Variants in TBC1D24 observed in about 807,000 individuals in gnomAD.
TBC1D24 encodes Infantile myoclonic epilepsy.
Under a neutral mutation model 50.7 loss-of-function variants are expected in TBC1D24, and 47 were observed. The ratio of observed to expected loss-of-function variants is 0.93; its 90% CI spans 0.73 to 1.18. TBC1D24 has a LOEUF of 1.18. Ranked by LOEUF, TBC1D24 falls within the 50% of genes most tolerant of loss-of-function variation. The pLI is 0.00. For synonymous variants in TBC1D24, 324 were observed against 335.2 expected (o/e 0.97, Z 0.36); for missense variants, 688 against 766.5 (o/e 0.90, Z 1.21).
chr16:2,492,312 G>A (rs759492260), intron 1 of TBC1D24, among the ~76,000 whole-genome samples: 1 of 152,082 alleles, frequency 6.6e-6, no homozygotes, highest in Non-Finnish European at 1.5e-5. Flanking sequence ...CCAGCACGTC[G>A]CCGGACCATT....
In TBC1D24 at chr16:2,496,002, C is replaced by T. The variant is rs1212684578; in HGVS notation, c.-115-32C>T. ...TCTTTAAAATGTGAACCTTGAAACA[C>T]AGATGCTAAAAGTGTTTTTTTAATC... is the stretch of plus-strand genomic sequence containing the variant. On this transcript the variant is annotated intron_variant, in intron 1 of 7. Transcript: ENST00000646147. The T allele has an allele frequency of 4.0e-6, 4 of 996,470 alleles. No individual in the cohort carries two copies. In the African/African-American group the frequency reaches 4.9e-5, roughly 12 times the overall value. 61.7% of individuals were successfully genotyped at this position (996,470 alleles called of 1,614,324 possible). A position where few individuals can be genotyped will look rare whatever the true frequency, so the allele number is the denominator to read the frequency against.
rs752958922 is a variant in TBC1D24, at chr16:2,499,818, C to T, written c.1207-17C>T. The T allele has an allele frequency of 6.2e-7, 1 of 1,611,200 alleles. No homozygotes were observed. The highest frequency in any genetic ancestry group is 1.7e-5 in the Admixed American group (1 of 60,022). On this transcript the variant is annotated splice_polypyrimidine_tract_variant and intron_variant, in intron 5 of 7. Transcript: ENST00000646147. The surrounding 1 kb of genome is among the most constrained non-coding windows in gnomAD (Gnocchi z 4.0). ...TGGGGGCCTGCGGGCACAGCCTCACCCAGACCTTTCCCCCAGGTGTGTGGT... is the reference window on the plus strand; with the variant it reads ...TGGGGGCCTGCGGGCACAGCCTCACTCAGACCTTTCCCCCAGGTGTGTGGT...
rs1854309899 is a variant in TBC1D24, at chr16:2,499,562, C to T, written c.1206+142C>T. Reference sequence around the variant, plus strand: ...AGTCAGAGCGTGGGTATGGCCAGCACATGGGGCTCATCCCACACTCAGGGC... The same window carrying T: ...AGTCAGAGCGTGGGTATGGCCAGCATATGGGGCTCATCCCACACTCAGGGC... On this transcript the variant is annotated intron_variant, in intron 5 of 7. Transcript: ENST00000646147. The surrounding 1 kb of genome is among the most constrained non-coding windows in gnomAD (Gnocchi z 4.0). 1 of 794,672 alleles carries T rather than the reference C, an allele frequency of 1.3e-6. No individual in the cohort carries two copies. 49.2% of individuals were successfully genotyped at this position (794,672 alleles called of 1,614,324 possible). A position where few individuals can be genotyped will look rare whatever the true frequency, so the allele number is the denominator to read the frequency against.
intron 1 of TBC1D24, chr16:2,484,594 G>C (rs547844268): frequency 6.6e-6 from 1 of 152,424 alleles, no homozygotes; most frequent in South Asian, 2.1e-4. Context: ...TCCTAGCTCA[G>C]TGCCAGGCAC....
In TBC1D24 at chr16:2,500,550, C is replaced by A; in HGVS notation, c.1525+60C>A. On this transcript the variant is annotated intron_variant, in intron 7 of 7. Coordinates refer to ENST00000646147, the MANE Select transcript of TBC1D24 (RefSeq NM_001199107.2). This position sits in a 1 kb window ranked among gnomAD's most constrained non-coding sequence, Gnocchi z 8.0. ...TGTGGGGTCCGGGCAGCTGAAGCTG[C>A]TGCACCCAGCCCTCCCTGACCGGGG... is the stretch of plus-strand genomic sequence containing the variant. 6.7e-7 allele frequency: 1 copy of A among 1,497,150 alleles called. No homozygotes were observed. The highest frequency in any genetic ancestry group is 9.0e-7 in the Non-Finnish European group (1 of 1,112,656). The allele number at this position is 1,497,150 out of a possible 1,614,324, so 92.7% of individuals were successfully genotyped here. A position where few individuals can be genotyped will look rare whatever the true frequency, so the allele number is the denominator to read the frequency against.
chr16:2,493,125 G>T (rs2065709649), intron 1 of TBC1D24, among the ~76,000 whole-genome samples: 3 of 151,546 alleles, frequency 2.0e-5, no homozygotes, highest in Admixed American at 2.0e-4. Context: ...TGGCTAAAAT[G>T]GTAAATTTTT....
chr16:2,490,654 C>T (rs1477015125), intron 1 of TBC1D24, among the ~76,000 whole-genome samples: 1 of 152,214 alleles, frequency 6.6e-6, no homozygotes, highest in Non-Finnish European at 1.5e-5. Flanking sequence ...GGAACTGTTG[C>T]CCGTGAGGAG....
At chr16:2,491,716 A>G (rs553735425) in intron 1 of TBC1D24, among the ~76,000 whole-genome samples, 1 of 152,080 alleles carries the variant, frequency 6.6e-6, no homozygotes, top group African/African-American at 2.4e-5. Context: ...CACCACACCC[A>G]GCTAATTTTT....
chr16:2,499,026 A>C lies in TBC1D24; in HGVS notation c.1143-331A>C, dbSNP rs1192389229. Among the ~76,000 whole-genome samples the C allele has an allele frequency of 6.6e-6, 1 of 152,232 alleles. No individual in the cohort carries two copies. Among genetic ancestry groups the C allele is most frequent in the Non-Finnish European group, 1.5e-5 (1 of 68,040 alleles). ...GCAGACCAGGGCCTCTTTGGCTCCC[A>C]CATGCCTGGGCTGCGAGGATGGCCC... On this transcript the variant is annotated intron_variant, in intron 4 of 7. Transcript: ENST00000646147. The surrounding 1 kb of genome is among the most constrained non-coding windows in gnomAD (Gnocchi z 4.0).
chr16:2,490,992 C>G (rs62040716), intron 1 of TBC1D24, among the ~76,000 whole-genome samples: 1 of 152,300 alleles, frequency 6.6e-6, no homozygotes, highest in African/African-American at 2.4e-5. Flanking sequence ...GCCACTCGGC[C>G]GTGAAAGCTC....
chr16:2,500,687 C>T lies in TBC1D24; in HGVS notation c.1526-117C>T, dbSNP rs1444031135. On this transcript the variant is annotated intron_variant, in intron 7 of 7. Transcript: ENST00000646147. This position sits in a 1 kb window ranked among gnomAD's most constrained non-coding sequence, Gnocchi z 8.0. ...GGTCCTGGGGGCTATGGAGGGTCAA[C>T]GGTCTGTGCGGTTTCAGAGAGGCCC... The T allele has an allele frequency of 4.9e-6, 7 of 1,418,588 alleles. No individual in the cohort carries two copies. Among genetic ancestry groups the T allele is most frequent in the African/African-American group, 2.8e-5 (2 of 70,660 alleles). The allele number at this position is 1,418,588 out of a possible 1,614,324, so 87.9% of individuals were successfully genotyped here.
rs556820301 is a variant in TBC1D24 at position 2,497,206 on chromosome 16, G to A, written c.965+93G>A. ...GAGCTCATCCTGCCGGCCTCCAGGC[G>A]GCCTCTGCCCATGGTCCACCCAGCC... On this transcript the variant is annotated intron_variant, in intron 2 of 7. Transcript: ENST00000646147. The A allele has an allele frequency of 2.3e-4, 359 of 1,545,856 alleles. No homozygotes were observed. The African/African-American group carries it at 3.5e-3, about 15-fold the overall frequency.
In TBC1D24 at chr16:2,498,328, C is replaced by T. The variant is rs75961715; in HGVS notation, c.1074C>T (p.Pro358=). 321 of 1,610,412 alleles carry T rather than the reference C, an allele frequency of 2.0e-4. No homozygotes were observed. The East Asian group carries it at 5.2e-3, about 26-fold the overall frequency. The change falls in exon 4 of 8, where the codon CCC becomes CCT. Residue 358 remains proline, a synonymous_variant. Transcript: ENST00000646147. ...TGAGAGACATCTGGTCCTGGGTCCC[C>T]GAGCGCTTTGCCCTGTGCCAGCCCC... ...REMRDIWSWV[P]ERFALCQPLL...
chr16:2,499,724 G>A lies in TBC1D24; in HGVS notation c.1207-111G>A, dbSNP rs977874552. Reference sequence around the variant, plus strand: ...CTGCCCTGGGGTGGGGGTGGGAGACGGCAATGCCTGCACCCCCACCTGTGA... The same window carrying A: ...CTGCCCTGGGGTGGGGGTGGGAGACAGCAATGCCTGCACCCCCACCTGTGA... On this transcript the variant is annotated intron_variant, in intron 5 of 7. Coordinates refer to ENST00000646147, the MANE Select transcript of TBC1D24 (RefSeq NM_001199107.2). This position sits in a 1 kb window ranked among gnomAD's most constrained non-coding sequence, Gnocchi z 4.0. 1.1e-5 allele frequency: 11 copies of A among 970,292 alleles called. No individual in the cohort carries two copies. The highest frequency in any genetic ancestry group is 8.0e-5 in the African/African-American group (5 of 62,258). The allele number at this position is 970,292 out of a possible 1,614,324, so 60.1% of individuals were successfully genotyped here.
rs2065815502 is a variant in TBC1D24 at position 2,504,093 on chromosome 16, A to G, written c.*3135A>G. 6.6e-6 allele frequency: 1 copy of G among 152,062 alleles called. No individual in the cohort carries two copies. The highest frequency in any genetic ancestry group is 2.4e-5 in the African/African-American group (1 of 41,396). The allele number at this position is 152,062 out of a possible 1,614,324, so 9.4% of individuals were successfully genotyped here. ...TGAACTAAAGTATTTTAATTTTTCT[A>G]TTTTTGTAAGCCGCATACTTCATTT... is the stretch of plus-strand genomic sequence containing the variant. On this transcript the variant is annotated 3_prime_UTR_variant, in exon 8 of 8. Transcript: ENST00000646147.
chr16:2,481,613 T>A (rs1414758008), intron 1 of TBC1D24: 1 of 152,226 alleles, frequency 6.6e-6, no homozygotes, highest in Non-Finnish European at 1.5e-5. Flanking sequence ...TTTCCAGACC[T>A]GCTGTGGGGA....
At chr16:2,497,149 G>A in intron 2 of TBC1D24, 36 bp downstream of exon 2, 1 of 1,598,526 alleles carries the variant, frequency 6.3e-7, no homozygotes, top group Non-Finnish European at 8.5e-7. Context: ...GTACACCCAG[G>A]GTCGGGGGCT....
chr16:2,488,544 C>T (rs1163766254), intron 1 of TBC1D24, among the ~76,000 whole-genome samples: 3 of 114,892 alleles, frequency 2.6e-5, no homozygotes, highest in East Asian at 5.5e-4. Flanking sequence ...CTCGCTCTGT[C>T]GCCAGGCTGG....
intron 1 of TBC1D24, among the ~76,000 whole-genome samples, chr16:2,494,020 C>G (rs889690521): frequency 1.3e-5 from 2 of 152,038 alleles, no homozygotes; most frequent in Non-Finnish European, 2.9e-5. Flanking sequence ...GCATAGCTTT[C>G]AAGCTGGTGG....
Sources: gnomAD v4.1 joint callset for allele counts (sites outside exome capture counted in the v4.1 genomes callset) on GRCh38, gnomAD v4.1.1 for gene constraint, Gnocchi (gnomAD v3.1) non-coding constraint, MANE v1.5 for transcripts, NCBI Gene and HGNC (gene_info 2026-07-23, HGNC 2026-07-21) for gene names.